Variants in PDE8B observed in about 807,000 individuals in gnomAD.
PDE8B encodes the protein high affinity cAMP-specific and IBMX-insensitive 3',5'-cyclic phosphodiesterase 8B.
In PDE8B, 26 loss-of-function variants were observed where a neutral mutation model predicts 101.3. The ratio of observed to expected loss-of-function variants is 0.26; its 90% confidence interval spans 0.19 to 0.36. PDE8B has a LOEUF of 0.36. PDE8B is among the 10% of genes least tolerant of loss of function. The pLI is 1.00. For synonymous variants in PDE8B, 424 were observed against 429.3 expected (o/e 0.99, Z 0.15); for missense variants, 810 against 1,163.1 (o/e 0.70, Z 4.42).
In PDE8B at chr5:77,427,770, T is replaced by C. The variant is rs754797832; in HGVS notation, c.*1216T>C. On this transcript the variant is annotated 3_prime_UTR_variant, in exon 22 of 22. Transcript: ENST00000264917. ...ATAAAGTCAGACTCGAGATTTTCCT[T>C]TCTCTTTTACCAGCTGATCCTTCCT... 4 of 152,218 alleles carry C rather than the reference T, an allele frequency of 2.6e-5. No individual in the cohort carries two copies. Among genetic ancestry groups the C allele is most frequent in the Admixed American group, 6.5e-5 (1 of 15,274 alleles). The allele number at this position is 152,218 out of a possible 1,614,324, so 9.4% of individuals were successfully genotyped here.
At chr5:77,187,043 T>G in the PDE8B span, among the ~76,000 whole-genome samples, 1 of 152,200 alleles carries the variant, frequency 6.6e-6, no homozygotes, top group African/African-American at 2.4e-5. Context: ...TTGTAATGGA[T>G]TTGTCTATGA....
the PDE8B span, among the ~76,000 whole-genome samples, chr5:77,116,524 A>G: frequency 3.3e-5 from 5 of 152,220 alleles, no homozygotes; most frequent in Admixed American, 6.5e-5. Context: ...TTACAGGCGT[A>G]AGCCACCACG....
At chr5:77,193,215 C>T in the PDE8B span, among the ~76,000 whole-genome samples, 2 of 152,028 alleles carry the variant, frequency 1.3e-5, no homozygotes, top group South Asian at 4.1e-4. Context: ...TAGTTCATGC[C>T]TTTTACATTC....
intron 8 of PDE8B, among the ~76,000 whole-genome samples, chr5:77,350,611 T>A (rs903350262): frequency 1.3e-5 from 2 of 151,932 alleles, no homozygotes; most frequent in African/African-American, 2.4e-5. Context: ...ATGATGGGCT[T>A]CAGCGAGTGT....
chr5:77,274,049 C>T (rs554432049), intron 1 of PDE8B, among the ~76,000 whole-genome samples: 50 of 152,108 alleles, frequency 3.3e-4, no homozygotes, highest in African/African-American at 1.1e-3. Flanking sequence ...CTCGAACTCC[C>T]GACCTCAGGT....
chr5:77,131,158 A>T, the PDE8B span: 1 of 152,228 alleles, frequency 6.6e-6, no homozygotes, highest in Non-Finnish European at 1.5e-5. Flanking sequence ...TAAACGAGAG[A>T]CATCTGGAGA....
At chr5:77,413,002 G>A (rs1000951524) in intron 16 of PDE8B, 109 bp from the exon 17 acceptor site, 1 of 884,560 alleles carries the variant, frequency 1.1e-6, no homozygotes, top group African/African-American at 1.6e-5. Context: ...CCCTGTGTGT[G>A]TGAAGCTATC....
At chr5:77,360,749 C>T (rs945059822) in intron 10 of PDE8B, among the ~76,000 whole-genome samples, 4 of 152,150 alleles carry the variant, frequency 2.6e-5, no homozygotes, top group South Asian at 2.1e-4. Context: ...CTTTCCTGAG[C>T]CCCCTGCATC....
the PDE8B span, among the ~76,000 whole-genome samples, chr5:77,164,809 T>A: frequency 6.6e-6 from 1 of 152,120 alleles, no homozygotes; most frequent in Non-Finnish European, 1.5e-5. Flanking sequence ...AGGAGTGACT[T>A]GTGGGGGTCA....
the PDE8B span, chr5:77,144,541 A>C: frequency 7.9e-5 from 12 of 152,096 alleles, no homozygotes; most frequent in Admixed American, 7.2e-4. Flanking sequence ...ACTTGGTTAT[A>C]TAGGAAATGT....
the PDE8B span, among the ~76,000 whole-genome samples, chr5:77,178,924 G>A: frequency 6.6e-6 from 1 of 152,218 alleles, no homozygotes; most frequent in Non-Finnish European, 1.5e-5. Flanking sequence ...TTTTATCAAA[G>A]CCAGCAAGAG....
intron 7 of PDE8B, among the ~76,000 whole-genome samples, chr5:77,347,060 T>C (rs1780271077): frequency 1.3e-5 from 2 of 152,306 alleles, no homozygotes; most frequent in Middle Eastern, 3.4e-3. Context: ...CCATCTGTTA[T>C]CTATCCACCC....
chr5:77,092,624 C>T, the PDE8B span: 3 of 152,248 alleles, frequency 2.0e-5, no homozygotes, highest in East Asian at 5.8e-4. Context: ...ATCAGAAACC[C>T]ACTTTGAGGC....
chr5:77,259,076 C>T lies in PDE8B; in HGVS notation c.339+47812C>T, dbSNP rs1168087836. On this transcript the variant is annotated intron_variant, in intron 1 of 21. Transcript: ENST00000264917. ...CACACACACACACACACACCCCCGC[C>T]CCCCCCCCACACACACACACGAATG... Among the ~76,000 whole-genome samples the T allele has an allele frequency of 8.6e-5, 5 of 57,866 alleles. 1 individual carries two copies. Among genetic ancestry groups the T allele is most frequent in the African/African-American group, 2.2e-4 (3 of 13,506 alleles). The allele number at this position is 57,866 out of a possible 152,430, so 38.0% of individuals were successfully genotyped here.
At chr5:77,234,533 A>G (rs1363876104) in intron 1 of PDE8B, among the ~76,000 whole-genome samples, 1 of 152,144 alleles carries the variant, frequency 6.6e-6, no homozygotes, top group Non-Finnish European at 1.5e-5. Flanking sequence ...AACCTCAGAG[A>G]TGACAGAATA....
chr5:77,127,540 A>T, the PDE8B span, among the ~76,000 whole-genome samples: 3 of 152,118 alleles, frequency 2.0e-5, no homozygotes, highest in African/African-American at 4.8e-5. Context: ...GAACAGTCTA[A>T]TACCCCAGGT....
rs541209383 is a variant in PDE8B, at chr5:77,406,688, C to T, written c.1289-693C>T. ...CATGAAATGGGACTCCCCCTCCTGC[C>T]TGCCTCAGAGGGGGTGGTAGGAAGA... is the stretch of plus-strand genomic sequence containing the variant. On this transcript the variant is annotated intron_variant, in intron 12 of 21. Coordinates refer to ENST00000264917, the MANE Select transcript of PDE8B (RefSeq NM_003719.5). Among the ~76,000 whole-genome samples, 28 of 152,342 alleles carry T rather than the reference C, an allele frequency of 1.8e-4. No homozygotes were observed. The South Asian group carries it at 5.6e-3, about 30-fold the overall frequency.
At chr5:77,410,106 C>A (rs74656695) in intron 14 of PDE8B, among the ~76,000 whole-genome samples, 2,909 of 152,344 alleles carry the variant, frequency 0.019, 77 homozygotes, top group Middle Eastern at 0.027. Context: ...GGGCTCAGCC[C>A]GGGAGGGTTC....
chr5:77,294,991 A>G (rs1280894300), intron 1 of PDE8B, among the ~76,000 whole-genome samples: 1 of 151,734 alleles, frequency 6.6e-6, no homozygotes, highest in Non-Finnish European at 1.5e-5. Context: ...TACTGGGAAA[A>G]TCAATCCAAA....
Sources: gnomAD v4.1 joint callset for allele counts (sites outside exome capture counted in the v4.1 genomes callset) on GRCh38, gnomAD v4.1.1 for gene constraint, MANE v1.5 for transcripts, NCBI Gene and HGNC (gene_info 2026-07-23, HGNC 2026-07-21) for gene names.